Variants in CDH23 observed in about 807,000 individuals in gnomAD.
The protein encoded by CDH23 is cadherin related 23.
In CDH23, 189 loss-of-function variants were observed where a neutral mutation model predicts 317.1. That is an observed-to-expected ratio of 0.60 (90% CI 0.53 to 0.67). The LOEUF is 0.67. CDH23 is among the 30% of genes least tolerant of loss of function. The pLI, the probability that CDH23 is intolerant of heterozygous loss-of-function variation, is 0.00. For missense variants in CDH23, 4,401 were observed against 4,592.4 expected (o/e 0.96, Z 1.20); for synonymous variants, 1,839 against 1,876.8 (o/e 0.98, Z 0.52).
chr10:71,798,139 A>T (rs1470776054), intron 49 of CDH23, among the ~76,000 whole-genome samples: 1 of 152,130 alleles, frequency 6.6e-6, no homozygotes, highest in Admixed American at 6.5e-5. Context: ...GGGCTCCACC[A>T]GGGTCACCTA....
chr10:71,721,243 A>G (rs1044128978), intron 28 of CDH23, among the ~76,000 whole-genome samples: 10 of 152,206 alleles, frequency 6.6e-5, no homozygotes, highest in Non-Finnish European at 1.3e-4. Context: ...GCACCCTGTT[A>G]CATCCCTCCA....
intron 38 of CDH23, chr10:71,760,738 GA>G: frequency 1.2e-6 from 1 of 811,284 alleles, no homozygotes; most frequent in Non-Finnish European, 2.1e-6. Context: ...TGCAGCAGCA[GA>G]AAAGGAGGAG....
intron 17 of CDH23, among the ~76,000 whole-genome samples, chr10:71,681,114 C>T (rs1460130869): frequency 6.6e-6 from 1 of 152,032 alleles, no homozygotes; most frequent in African/African-American, 2.4e-5. Context: ...AGGTGTGAGC[C>T]ACTGTGCCTG....
chr10:71,751,622 C>A lies in CDH23; in HGVS notation c.4845+9701C>A. ...GCCGATGCCCTGCAGGCCATGAGGTCATGACCTTACAGGTCATCGTGCTGT... is the reference window on the plus strand; with the variant it reads ...GCCGATGCCCTGCAGGCCATGAGGTAATGACCTTACAGGTCATCGTGCTGT... On this transcript the variant is annotated intron_variant, in intron 38 of 69. Transcript: ENST00000224721. This position sits in a 1 kb window ranked among gnomAD's most constrained non-coding sequence, Gnocchi z 4.9. 1.3e-6 allele frequency: 2 copies of A among 1,495,110 alleles called. No individual in the cohort carries two copies. The highest frequency in any genetic ancestry group is 2.7e-5 in the South Asian group (2 of 74,004). The allele number at this position is 1,495,110 out of a possible 1,614,324, so 92.6% of individuals were successfully genotyped here. A position where few individuals can be genotyped will look rare whatever the true frequency, so the allele number is the denominator to read the frequency against.
chr10:71,774,323 C>G (rs1433003960), intron 38 of CDH23, among the ~76,000 whole-genome samples: 1 of 152,156 alleles, frequency 6.6e-6, no homozygotes, highest in Non-Finnish European at 1.5e-5. Flanking sequence ...CACCCACACC[C>G]AGCACTGCTG....
intron 9 of CDH23, among the ~76,000 whole-genome samples, chr10:71,591,942 G>T (rs745725920): frequency 1.2e-4 from 19 of 152,128 alleles, no homozygotes; most frequent in Non-Finnish European, 2.5e-4. Flanking sequence ...GGCAAGGAAA[G>T]CATCCCAAGC....
intron 11 of CDH23, among the ~76,000 whole-genome samples, chr10:71,632,856 A>G (rs1286439853): frequency 6.6e-6 from 1 of 152,156 alleles, no homozygotes; most frequent in East Asian, 1.9e-4. Flanking sequence ...TGTGTTGCTT[A>G]TAACAGAATA....
intron 14 of CDH23, among the ~76,000 whole-genome samples, chr10:71,669,294 C>T (rs1773500366): frequency 6.6e-6 from 1 of 152,188 alleles, no homozygotes; most frequent in African/African-American, 2.4e-5. Flanking sequence ...ATACACCTGC[C>T]CAAAGACAGC....
chr10:71,694,988 T>C (rs533256335), intron 21 of CDH23, among the ~76,000 whole-genome samples: 1 of 152,128 alleles, frequency 6.6e-6, no homozygotes, highest in Non-Finnish European at 1.5e-5. Context: ...CAAGGGAGGC[T>C]CCTACTAATA....
chr10:71,444,594 AG>A (rs1321885617), intron 2 of CDH23, among the ~76,000 whole-genome samples: 3 of 152,254 alleles, frequency 2.0e-5, no homozygotes, highest in Non-Finnish European at 4.4e-5. Context: ...GAGAGAGGGC[AG>A]AATAAGGGAC....
intron 64 of CDH23, 39 bp downstream of exon 64, chr10:71,811,629 C>T: frequency 6.2e-7 from 1 of 1,613,856 alleles, no homozygotes; most frequent in South Asian, 1.1e-5. Context: ...GGGCCGACCA[C>T]CTGCTCCCGG....
At chr10:71,668,263 G>A (rs1459006735) in intron 14 of CDH23, among the ~76,000 whole-genome samples, 5 of 152,144 alleles carry the variant, frequency 3.3e-5, no homozygotes, top group South Asian at 2.1e-4. Context: ...CAAGCAGAAC[G>A]TAGGGAGCAG....
At chr10:71,445,847 CAAAAA>C (rs34460284) in intron 2 of CDH23, among the ~76,000 whole-genome samples, 2 of 92,034 alleles carry the variant, frequency 2.2e-5, no homozygotes, top group Admixed American at 1.4e-4. Flanking sequence ...GACTCTGTCT[CAAAAA>C]AAAAAAAAAA....
chr10:71,420,482 GTGATGGTGA>G (rs1589283297), intron 1 of CDH23, among the ~76,000 whole-genome samples: 1 of 80,852 alleles, frequency 1.2e-5, no homozygotes. Flanking sequence ...GATGATGATG[GTGATGGTGA>G]TGATGGTAAT....
At chr10:71,519,083 C>T (rs987565654) in intron 6 of CDH23, among the ~76,000 whole-genome samples, 3 of 152,130 alleles carry the variant, frequency 2.0e-5, no homozygotes, top group South Asian at 2.1e-4. Flanking sequence ...GTTTCCTCGC[C>T]GATTCTAGCT....
intron 52 of CDH23, among the ~76,000 whole-genome samples, chr10:71,800,241 G>A (rs1841519982): frequency 6.6e-6 from 1 of 152,234 alleles, no homozygotes; most frequent in East Asian, 1.9e-4. Context: ...TGCTGGGGCT[G>A]GAACTGGACT....
chr10:71,524,760 G>A (rs1311861712), intron 6 of CDH23, among the ~76,000 whole-genome samples: 4 of 152,198 alleles, frequency 2.6e-5, no homozygotes, highest in African/African-American at 9.7e-5. Context: ...GTTGGGATCT[G>A]AGGTTGTTAT....
chr10:71,477,518 C>T (rs1851856109), intron 3 of CDH23, among the ~76,000 whole-genome samples: 3 of 152,186 alleles, frequency 2.0e-5, no homozygotes. Flanking sequence ...AGCCCCTTCC[C>T]TGCTCCCTCT....
intron 26 of CDH23, chr10:71,707,337 C>T: frequency 7.1e-7 from 1 of 1,411,990 alleles, no homozygotes; most frequent in Non-Finnish European, 9.2e-7. Flanking sequence ...AGGTAAGGCC[C>T]CATGATTCCT....
Sources: gnomAD v4.1 joint callset for allele counts (sites outside exome capture counted in the v4.1 genomes callset) on GRCh38, gnomAD v4.1.1 for gene constraint, Gnocchi (gnomAD v3.1) non-coding constraint, MANE v1.5 for transcripts, NCBI Gene and HGNC (gene_info 2026-07-23, HGNC 2026-07-21) for gene names.